CAPG: variants seen among roughly 807,000 people sequenced by gnomAD.
CAPG encodes the protein macrophage-capping protein.
In CAPG, 32 loss-of-function variants were observed where a neutral mutation model predicts 44.6. The observed-to-expected ratio is 0.72, with a 90% CI of 0.54 to 0.96. The LOEUF is 0.96. Ranked by LOEUF, CAPG falls within the 50% of genes least tolerant of loss-of-function variation. The probability of loss-of-function intolerance (pLI) is 0.00; values close to 1 mark genes in which losing one functional copy is unlikely to be tolerated. For missense variants in CAPG, 412 were observed against 438.3 expected (o/e 0.94, Z 0.54); for synonymous variants, 175 against 179.6 (o/e 0.97, Z 0.20).
chr2:85,393,405 C>G (rs376646355), downstream of CAPG, among the ~76,000 whole-genome samples: 1 of 152,212 alleles, frequency 6.6e-6, no homozygotes, highest in East Asian at 1.9e-4. Flanking sequence ...TTAAAATACT[C>G]CCCGTCTCTA....
At position 85,395,743 on chromosome 2, in the gene CAPG, T is replaced by C. The variant is rs975126757; in HGVS notation, c.893-117A>G. ...AAGAGCCAGCAATTTTTACAATAAA[T>C]GGACCAGGGGTCCCAAGAATGCCGA... is the stretch of plus-strand genomic sequence containing the variant. On this transcript the variant is annotated intron_variant, in intron 8 of 9. Coordinates refer to ENST00000263867, the MANE Select transcript of CAPG (RefSeq NM_001747.4). The surrounding 1 kb of genome is among the most constrained non-coding windows in gnomAD (Gnocchi z 4.3). 1 of 689,654 alleles carries C rather than the reference T, an allele frequency of 1.5e-6. No individual in the cohort carries two copies. The highest frequency in any genetic ancestry group is 2.5e-6 in the Non-Finnish European group (1 of 393,346). 42.7% of individuals were successfully genotyped at this position (689,654 alleles called of 1,614,324 possible).
In CAPG at chr2:85,395,182, C is replaced by T. The variant is rs914020511; in HGVS notation, c.982-224G>A. ...AGACTGCTTCAAGGGCGTGGGTGCA[C>T]AGTTTAATAAATGCCACCAACGGTA... On this transcript the variant is annotated intron_variant, in intron 9 of 9. Transcript: ENST00000263867. This position sits in a 1 kb window ranked among gnomAD's most constrained non-coding sequence, Gnocchi z 4.3. 1.3e-5 allele frequency among the ~76,000 whole-genome samples: 2 copies of T among 152,124 alleles called. No homozygotes were observed. The highest frequency in any genetic ancestry group is 2.9e-5 in the Non-Finnish European group (2 of 68,032).
Position 85,395,498 on chromosome 2 carries a change from A to G in CAPG, c.981+40T>C, listed in dbSNP as rs548230090. 1.2e-4 allele frequency: 188 copies of G among 1,545,548 alleles called. 3 individuals carry two copies. The South Asian group carries it at 2.1e-3, about 17-fold the overall frequency. ...TTGAGGGGTCAGGGGCCACAGGAAG[A>G]GCCCTAGGAAGAGGGCTGTGGTTGT... On this transcript the variant is annotated intron_variant, in intron 9 of 9. Coordinates refer to ENST00000263867, the MANE Select transcript of CAPG (RefSeq NM_001747.4). This position sits in a 1 kb window ranked among gnomAD's most constrained non-coding sequence, Gnocchi z 4.3.
chr2:85,396,044 G>A (rs892023650), intron 8 of CAPG: 2 of 174,092 alleles, frequency 1.1e-5, no homozygotes, highest in Non-Finnish European at 2.5e-5. Context: ...TTATTATAGA[G>A]GTGATTTACT....
chr2:85,403,123 CAGAAAG>C (rs1487710721), intron 1 of CAPG, among the ~76,000 whole-genome samples: 1 of 151,976 alleles, frequency 6.6e-6, no homozygotes, highest in Non-Finnish European at 1.5e-5. Flanking sequence ...AACTGATTAA[CAGAAAG>C]AGAAAACACA....
At chr2:85,392,329 G>T (rs528463036), downstream of CAPG, among the ~76,000 whole-genome samples, 72 of 151,300 alleles carry the variant, frequency 4.8e-4, no homozygotes, top group East Asian at 0.014. Flanking sequence ...GGCGGAGTTT[G>T]CAGTGAGTCG....
intron 1 of CAPG, among the ~76,000 whole-genome samples, chr2:85,415,591 C>T (rs562104812): frequency 6.6e-6 from 1 of 152,274 alleles, no homozygotes; most frequent in East Asian, 1.9e-4. Context: ...AGCCAGGGAC[C>T]GTGTCAAGTC....
At position 85,407,661 on chromosome 2, in the gene CAPG, C is replaced by T. The variant is rs181098295; in HGVS notation, c.-14+2656G>A. On this transcript the variant is annotated intron_variant, in intron 1 of 9. Coordinates refer to ENST00000263867, the MANE Select transcript of CAPG (RefSeq NM_001747.4). ...CTGGGAGGTGGAGGTTGCAGTAAGC[C>T]GAGATCACACCACTGCACTCCAGCC... Among the ~76,000 whole-genome samples the T allele has an allele frequency of 9.9e-3, 1,395 of 140,874 alleles. 26 individuals carry two copies. The highest frequency in any genetic ancestry group is 0.034 in the African/African-American group (1,291 of 37,736). 92.4% of individuals were successfully genotyped at this position (140,874 alleles called of 152,430 possible). A position where few individuals can be genotyped will look rare whatever the true frequency, so the allele number is the denominator to read the frequency against.
Position 85,398,711 on chromosome 2 carries a change from G to A in CAPG, c.738C>T (p.Ala246=). Residue 246 remains alanine (A), a synonymous_variant, in exon 7 of 10, where the codon GCC becomes GCT. Coordinates refer to ENST00000263867, the MANE Select transcript of CAPG (RefSeq NM_001747.4). ...CCACCTTATACAGAGCTGCGGCCTGGGCATTTGCCTTGTCAGCTGTGAGGT... is the reference window on the plus strand; with the variant it reads ...CCACCTTATACAGAGCTGCGGCCTGAGCATTTGCCTTGTCAGCTGTGAGGT... ...EEDLTADKAN[A]QAAALYKVSD... 2 of 1,605,350 alleles carry A rather than the reference G, an allele frequency of 1.2e-6. No individual in the cohort carries two copies. The highest frequency in any genetic ancestry group is 2.7e-5 in the African/African-American group (2 of 74,970).
intron 1 of CAPG, among the ~76,000 whole-genome samples, chr2:85,403,007 G>T (rs1347847401): frequency 6.6e-6 from 1 of 152,084 alleles, no homozygotes; most frequent in Non-Finnish European, 1.5e-5. Context: ...CTGACCTCAG[G>T]TGATTCACGC....
At chr2:85,416,719 G>C (rs374270409) in intron 1 of CAPG, among the ~76,000 whole-genome samples, 4 of 151,948 alleles carry the variant, frequency 2.6e-5, no homozygotes, top group African/African-American at 7.3e-5. Context: ...TCATCATTTC[G>C]GCCAGGCTAG....
At chr2:85,412,162 A>T (rs530692631), upstream of CAPG, among the ~76,000 whole-genome samples, 1 of 152,320 alleles carries the variant, frequency 6.6e-6, no homozygotes, top group Admixed American at 6.5e-5. Context: ...TCCCCAAAGA[A>T]CATGGCCTGT....
At chr2:85,401,372 C>T (rs1454540309) in intron 4 of CAPG, 43 bp from the exon 5 acceptor site, 3 of 1,602,162 alleles carry the variant, frequency 1.9e-6, no homozygotes. Flanking sequence ...ACAGGAGACC[C>T]AGAGCCCTCT....
upstream of CAPG, among the ~76,000 whole-genome samples, chr2:85,414,353 T>G (rs984695097): frequency 2.0e-5 from 3 of 152,098 alleles, no homozygotes; most frequent in Admixed American, 1.3e-4. Context: ...GCTGGAAACA[T>G]GAAGTCTTTG....
upstream of CAPG, among the ~76,000 whole-genome samples, chr2:85,412,402 A>G (rs895396048): frequency 6.6e-6 from 1 of 151,992 alleles, no homozygotes; most frequent in Non-Finnish European, 1.5e-5. Context: ...AATCTCAGCT[A>G]TTCAGGAGGC....
At chr2:85,402,889 G>A (rs146668566) in intron 1 of CAPG, among the ~76,000 whole-genome samples, 4,558 of 151,872 alleles carry the variant, frequency 0.03, 87 homozygotes, top group Middle Eastern at 0.051. Flanking sequence ...TTGTGCCTCA[G>A]CTTCCCAAGT....
Position 85,395,031 on chromosome 2 carries a change from G to C in CAPG, c.982-73C>G. On this transcript the variant is annotated intron_variant, in intron 9 of 9. Transcript: ENST00000263867. The surrounding 1 kb of genome is among the most constrained non-coding windows in gnomAD (Gnocchi z 4.3). Reference sequence around the variant, plus strand: ...TGCCTCTGCCCAGGAGGACAGGAGGGGGCCAGAGCCAGGGAGGAGGGTGTG... The same window carrying C: ...TGCCTCTGCCCAGGAGGACAGGAGGCGGCCAGAGCCAGGGAGGAGGGTGTG... 9.5e-7 allele frequency: 1 copy of C among 1,050,524 alleles called. No homozygotes were observed. Among genetic ancestry groups the C allele is most frequent in the South Asian group, 1.3e-5 (1 of 77,942 alleles). 65.1% of individuals were successfully genotyped at this position (1,050,524 alleles called of 1,614,324 possible).
chr2:85,402,207 C>A (rs75351468), intron 1 of CAPG, 49 bp from the exon 2 acceptor site: 97,820 of 1,505,374 alleles, frequency 0.065, 3,590 homozygotes, highest in Non-Finnish European at 0.074. Context: ...ACAAAAAGGA[C>A]CTCTCACGTG....
chr2:85,393,267 C>T (rs2104772384), downstream of CAPG, among the ~76,000 whole-genome samples: 1 of 152,160 alleles, frequency 6.6e-6, no homozygotes, highest in East Asian at 1.9e-4. Context: ...AACCCCAGAG[C>T]TTAAGGAGTC....
Sources: allele counts gnomAD v4.1 joint callset (sites outside exome capture counted in the v4.1 genomes callset), GRCh38; gene constraint gnomAD v4.1.1; non-coding constraint Gnocchi (gnomAD v3.1); transcripts MANE v1.5; gene names NCBI Gene and HGNC (gene_info 2026-07-23, HGNC 2026-07-21).